PLAA: variants seen among roughly 807,000 people sequenced by gnomAD.
The protein encoded by PLAA is phospholipase A2 activating protein, also known as phospholipase A-2-activating protein.
In PLAA, 48 loss-of-function variants were observed where a neutral mutation model predicts 84.1. The observed-to-expected ratio is 0.57, with a 90% CI of 0.45 to 0.73. The LOEUF (loss-of-function observed/expected upper bound fraction) is 0.73. Ranked by LOEUF, PLAA falls within the 30% of genes least tolerant of loss-of-function variation. The probability of loss-of-function intolerance (pLI) is 0.00; values close to 1 mark genes in which losing one functional copy is unlikely to be tolerated. For synonymous variants in PLAA, 392 were observed against 336.6 expected (o/e 1.16, Z -1.80); for missense variants, 903 against 954.7 (o/e 0.95, Z 0.71).
chr9:26,932,614 C>T lies in PLAA; in HGVS notation c.343+2399G>A, dbSNP rs12343349. Among the ~76,000 whole-genome samples, 1,343 of 152,152 alleles carry T rather than the reference C, an allele frequency of 8.8e-3. 16 individuals carry two copies. Among genetic ancestry groups the T allele is most frequent in the African/African-American group, 0.03 (1,261 of 41,476 alleles). ...CCTTTACAGAAAAAGTTTGCCAACC[C>T]CTGTTTTAGAGCCACATAATGAAGG... is the stretch of plus-strand genomic sequence containing the variant. On this transcript the variant is annotated intron_variant, in intron 2 of 13. Coordinates refer to ENST00000397292, the MANE Select transcript of PLAA (RefSeq NM_001031689.3).
At chr9:26,914,104 A>C (rs998753463) in intron 10 of PLAA, among the ~76,000 whole-genome samples, 157 bp from the exon 11 acceptor site, 18 of 152,220 alleles carry the variant, frequency 1.2e-4, no homozygotes. Flanking sequence ...AGTGCTTAGA[A>C]CAGTGCCTGA....
At chr9:26,924,950 A>C (rs1321648358) in intron 6 of PLAA, among the ~76,000 whole-genome samples, 1 of 152,218 alleles carries the variant, frequency 6.6e-6, no homozygotes, top group African/African-American at 2.4e-5. Flanking sequence ...AGACCTCAGG[A>C]AGTCTAAGGC....
intron 2 of PLAA, among the ~76,000 whole-genome samples, chr9:26,931,340 T>A (rs988361833): frequency 4.6e-5 from 7 of 152,126 alleles, no homozygotes; most frequent in African/African-American, 1.7e-4. Flanking sequence ...ATATTAGAAT[T>A]ACAGTACAAT....
intron 10 of PLAA, 58 bp from the exon 11 acceptor site, chr9:26,914,005 C>T (rs1038094932): frequency 4.9e-6 from 6 of 1,216,120 alleles, no homozygotes; most frequent in African/African-American, 1.5e-5. Flanking sequence ...AAAGTTCAAA[C>T]TGCTCCTTCG....
At chr9:26,931,498 A>G (rs569068772) in intron 2 of PLAA, among the ~76,000 whole-genome samples, 1 of 152,312 alleles carries the variant, frequency 6.6e-6, no homozygotes, top group African/African-American at 2.4e-5. Flanking sequence ...AATATCACAA[A>G]AAGATATTGT....
Position 26,917,738 on chromosome 9 carries a change from C to T in PLAA, c.1418-573G>A, listed in dbSNP as rs997894424. ...AAAGAGACTTCCATTTATACATTTA[C>T]GAATGTGTGGCGTATGTGCCTATGT... On this transcript the variant is annotated intron_variant, in intron 9 of 13. Transcript: ENST00000397292. Among the ~76,000 whole-genome samples, 6 of 152,036 alleles carry T rather than the reference C, an allele frequency of 3.9e-5. No individual in the cohort carries two copies. In the South Asian group the frequency reaches 1.0e-3, roughly 26 times the overall value.
chr9:26,935,026 G>A lies in PLAA; in HGVS notation c.330C>T (p.Gly110=), dbSNP rs758663848. 1.3e-6 allele frequency: 2 copies of A among 1,587,792 alleles called. No homozygotes were observed. The highest frequency in any genetic ancestry group is 1.7e-6 in the Non-Finnish European group (2 of 1,170,292). ...TATTATACTCACCAGTATTTTTGTG[G>A]CCTTTTAGAATATAAAGTGGCATTG... The part of the protein sequence containing the change: ...DSPMPLYILK[G]HKNTVCSLSS... Residue 110 remains glycine, a synonymous_variant, in exon 2 of 14, where the codon GGC becomes GGT. Coordinates refer to ENST00000397292, the MANE Select transcript of PLAA (RefSeq NM_001031689.3).
At chr9:26,940,887 T>G (rs1403483482) in intron 1 of PLAA, among the ~76,000 whole-genome samples, 1 of 152,128 alleles carries the variant, frequency 6.6e-6, no homozygotes, top group Non-Finnish European at 1.5e-5. Context: ...TTTGAAACCA[T>G]TTTATCAATA....
In PLAA at chr9:26,905,047, T is replaced by A. The variant is rs1426455506; in HGVS notation, c.*464A>T. ...TATAAATTATTTTATAAATTTAATA[T>A]AATTTAAAAAATTTTAAAGTAGTTA... On this transcript the variant is annotated 3_prime_UTR_variant, in exon 14 of 14. Transcript: ENST00000397292. 4 of 152,068 alleles carry A rather than the reference T, an allele frequency of 2.6e-5. No individual in the cohort carries two copies. Among genetic ancestry groups the A allele is most frequent in the Non-Finnish European group, 5.9e-5 (4 of 67,938 alleles). 9.4% of individuals were successfully genotyped at this position (152,068 alleles called of 1,614,324 possible).
chr9:26,930,744 G>A (rs765440673), intron 2 of PLAA, among the ~76,000 whole-genome samples: 2 of 151,518 alleles, frequency 1.3e-5, no homozygotes, highest in Non-Finnish European at 2.9e-5. Context: ...CACCATGCCC[G>A]GCTAATTTTT....
At chr9:26,916,475 T>C (rs1824562791) in intron 10 of PLAA, 2 of 986,948 alleles carry the variant, frequency 2.0e-6, no homozygotes, top group African/African-American at 3.5e-5. Flanking sequence ...ACACCAACAC[T>C]TCAAGGGCTT....
chr9:26,910,023 C>G (rs953584185), intron 12 of PLAA, among the ~76,000 whole-genome samples: 1 of 152,180 alleles, frequency 6.6e-6, no homozygotes, highest in Admixed American at 6.5e-5. Flanking sequence ...AAATGCTTTA[C>G]TCATTCATAT....
rs139288553 is a variant in PLAA, at chr9:26,913,897, C to T, written c.1537G>A (p.Gly513Arg). Residue 513 changes from glycine to arginine, a missense_variant, in exon 11 of 14, where the codon GGA becomes AGA. Coordinates refer to ENST00000397292, the MANE Select transcript of PLAA (RefSeq NM_001031689.3). ...GSASMGTTMA[G>R]VDPFTGNSAY... ...TATGTACCTGTAAATGGATCAACTC[C>T]GGCCATGGTAGTTCCCATACTTGCA... 2.2e-5 allele frequency: 36 copies of T among 1,610,588 alleles called. No homozygotes were observed. Among genetic ancestry groups the T allele is most frequent in the Middle Eastern group, 1.6e-4 (1 of 6,076 alleles).
rs201898613 is a variant in PLAA, at chr9:26,935,159, T to C, written c.197A>G (p.Asn66Ser). ...TATGATGCATACACAAGATACAAAA[T>C]TGGAATGGCCACTCATACAGTGCAT... ...TEMHCMSGHS[N>S]FVSCVCIIPS... Residue 66 changes from asparagine (N) to serine (S), a missense_variant, in exon 2 of 14, where the codon AAT becomes AGT. By Grantham distance (46) the Asn-to-Ser change is conservative (BLOSUM62 1). Transcript: ENST00000397292. 64 of 1,595,846 alleles carry C rather than the reference T, an allele frequency of 4.0e-5. No individual in the cohort carries two copies. The highest frequency in any genetic ancestry group is 2.1e-4 in the South Asian group (18 of 86,730).
intron 2 of PLAA, 113 bp from the exon 3 acceptor site, chr9:26,928,521 G>C: frequency 1.4e-6 from 1 of 733,984 alleles, no homozygotes; most frequent in Non-Finnish European, 2.4e-6. Flanking sequence ...CAGTATCTTA[G>C]CTAACTAAGG....
At chr9:26,923,967 C>G (rs1824854988) in intron 6 of PLAA, among the ~76,000 whole-genome samples, 2 of 152,280 alleles carry the variant, frequency 1.3e-5, no homozygotes, top group South Asian at 4.1e-4. Context: ...AAACCTGTTT[C>G]TAACTTATTC....
intron 1 of PLAA, among the ~76,000 whole-genome samples, chr9:26,941,277 A>T (rs1228800077): frequency 6.6e-6 from 1 of 152,080 alleles, no homozygotes; most frequent in East Asian, 1.9e-4. Context: ...TTAAAAAGAA[A>T]ATCTTTGAAT....
chr9:26,920,681 G>A lies in PLAA; in HGVS notation c.1040-297C>T, dbSNP rs185123170. ...ATATCTTCCTAACACATTTCATTCC[G>A]TAAATGGCTCTCCATTAATCCAGTG... On this transcript the variant is annotated intron_variant, in intron 7 of 13. Coordinates refer to ENST00000397292, the MANE Select transcript of PLAA (RefSeq NM_001031689.3). Among the ~76,000 whole-genome samples, 75 of 152,204 alleles carry A rather than the reference G, an allele frequency of 4.9e-4. 1 individual carries two copies. The East Asian group carries it at 0.012, about 25-fold the overall frequency.
chr9:26,926,628 C>T (rs913805900), intron 4 of PLAA, 68 bp from the exon 5 acceptor site: 12 of 1,143,328 alleles, frequency 1.0e-5, no homozygotes, highest in Non-Finnish European at 1.4e-5. Context: ...ATACATTTTA[C>T]TAACATTATA....
Sources: gnomAD v4.1 joint callset for allele counts (sites outside exome capture counted in the v4.1 genomes callset) on GRCh38, gnomAD v4.1.1 for gene constraint, MANE v1.5 for transcripts, NCBI Gene and HGNC (gene_info 2026-07-23, HGNC 2026-07-21) for gene names.